Variants in CBFA2T2 observed in about 807,000 individuals in gnomAD.
The protein encoded by CBFA2T2 is protein CBFA2T2.
Under a neutral mutation model 62.2 loss-of-function variants are expected in CBFA2T2, and 11 were observed. The ratio of observed to expected loss-of-function variants is 0.18; its 90% CI spans 0.11 to 0.29. The LOEUF (loss-of-function observed/expected upper bound fraction) is 0.29. CBFA2T2 is among the 10% of genes least tolerant of loss of function. The pLI is 1.00. For synonymous variants in CBFA2T2, 295 were observed against 287.5 expected, an observed-to-expected ratio of 1.03 and a Z score of -0.27; for missense variants, 592 against 774.1, an observed-to-expected ratio of 0.76 and a Z score of 2.79.
At chr20:33,538,537 A>T (rs897678711) in intron 1 of CBFA2T2, among the ~76,000 whole-genome samples, 16 of 151,944 alleles carry the variant, frequency 1.1e-4, no homozygotes, top group African/African-American at 3.9e-4. Flanking sequence ...AGGCCTGGCT[A>T]ATTGTATTTT....
chr20:33,629,825 G>C lies in CBFA2T2; in HGVS notation c.1139G>C (p.Arg380Pro). ...DREELNYWKRRYNENTELRKT... is the reference protein window; with the variant it reads ...DREELNYWKRPYNENTELRKT... ...GAAGAACTCAACTACTGGAAAAGAC[G>C]GTACAATGAAAACACAGAGCTGAGG... Residue 380 changes from arginine (R) to proline (P), a missense_variant, in exon 8 of 11, where the codon CGG becomes CCG. Arg to Pro is a moderately radical substitution (Grantham distance 103, BLOSUM62 -2). Around this residue, in one of 3 missense-constraint regions of CBFA2T2, gnomAD observed 449 missense variants for 551.2 expected, o/e 0.81. Coordinates refer to ENST00000342704, the MANE Select transcript of CBFA2T2 (RefSeq NM_001032999.3). 6.2e-7 allele frequency: 1 copy of C among 1,613,956 alleles called. No individual in the cohort carries two copies. The highest frequency in any genetic ancestry group is 8.5e-7 in the Non-Finnish European group (1 of 1,179,918).
At chr20:33,588,124 A>G (rs113439148) in intron 1 of CBFA2T2, among the ~76,000 whole-genome samples, 1 of 152,192 alleles carries the variant, frequency 6.6e-6, no homozygotes, top group African/African-American at 2.4e-5. Context: ...TATTTAACAT[A>G]TACACCTCCA....
intron 1 of CBFA2T2, among the ~76,000 whole-genome samples, chr20:33,582,239 T>C (rs1475114923): frequency 6.6e-6 from 1 of 152,008 alleles, no homozygotes; most frequent in Non-Finnish European, 1.5e-5. Flanking sequence ...ACGCCTGTAA[T>C]CTCAGCACTT....
chr20:33,517,456 T>G (rs1422985988), intron 1 of CBFA2T2, among the ~76,000 whole-genome samples: 1 of 149,474 alleles, frequency 6.7e-6, no homozygotes, highest in East Asian at 1.9e-4. Context: ...TTTGGTGTTT[T>G]TTTTTTTTTT....
intron 1 of CBFA2T2, among the ~76,000 whole-genome samples, chr20:33,501,498 G>C (rs2011278645): frequency 6.6e-6 from 1 of 152,072 alleles, no homozygotes; most frequent in Non-Finnish European, 1.5e-5. Context: ...AGAATGGTGA[G>C]GGAGAAGTGC....
At position 33,619,580 on chromosome 20, in the gene CBFA2T2, C is replaced by A; in HGVS notation, c.484C>A (p.Arg162Ser). 1 of 1,607,338 alleles carries A rather than the reference C, an allele frequency of 6.2e-7. No homozygotes were observed. The highest frequency in any genetic ancestry group is 1.7e-5 in the Admixed American group (1 of 59,072). Reference protein sequence around the residue: ...KLQEATNFPLRPFVIPFLKAN... With the variant: ...KLQEATNFPLSPFVIPFLKAN... ...CCAAGAAGCCACAAACTTTCCCCTT[C>A]GTCCTTTTGTGATTCCATTTCTCAA... The change falls in exon 4 of 11, where the codon CGT becomes AGT. Residue 162 changes from arginine to serine, a missense_variant. Physicochemically the swap from Arg to Ser is moderately radical, Grantham distance 110. Coordinates refer to ENST00000342704, the MANE Select transcript of CBFA2T2 (RefSeq NM_001032999.3).
intron 1 of CBFA2T2, among the ~76,000 whole-genome samples, chr20:33,602,598 C>T (rs1041330451): frequency 6.6e-6 from 1 of 151,884 alleles, no homozygotes; most frequent in African/African-American, 2.4e-5. Flanking sequence ...GTTCCAAGAC[C>T]TCCGGTGGAT....
At chr20:33,631,015 G>A (rs779496731) in intron 8 of CBFA2T2, among the ~76,000 whole-genome samples, 2 of 152,106 alleles carry the variant, frequency 1.3e-5, no homozygotes, top group South Asian at 2.1e-4. Flanking sequence ...GATTCCTTTC[G>A]TAAAAACTCG....
At chr20:33,588,700 A>T (rs564456040) in intron 1 of CBFA2T2, among the ~76,000 whole-genome samples, 1 of 152,276 alleles carries the variant, frequency 6.6e-6, no homozygotes, top group African/African-American at 2.4e-5. Context: ...TAATCCCAGC[A>T]CTTTGGGAAG....
chr20:33,533,664 C>CT (rs898544462), intron 1 of CBFA2T2, among the ~76,000 whole-genome samples: 16 of 151,558 alleles, frequency 1.1e-4, no homozygotes, highest in Admixed American at 2.6e-4. Flanking sequence ...TTTGTCTTTT[C>CT]TTTTTTAAAA....
In CBFA2T2 at chr20:33,536,302, A is replaced by C. The variant is rs1262611708; in HGVS notation, c.34+46001A>C. Among the ~76,000 whole-genome samples the C allele has an allele frequency of 4.1e-5, 5 of 120,546 alleles. No individual in the cohort carries two copies. In the East Asian group the frequency reaches 7.3e-4, roughly 18 times the overall value. The allele number at this position is 120,546 out of a possible 152,430, so 79.1% of individuals were successfully genotyped here. ...GGGCGGCTGGCCGGGCGGGGGGCTG[A>C]CCCCCCCCACCTCCCTCCCAGACGG... On this transcript the variant is annotated intron_variant, in intron 1 of 10. Transcript: ENST00000342704.
intron 1 of CBFA2T2, chr20:33,562,323 CAG>C (rs2013114644): frequency 1.0e-6 from 1 of 960,418 alleles, no homozygotes; most frequent in Non-Finnish European, 1.2e-6. Context: ...GCCCTGGTAA[CAG>C]GGAGGGTTGG....
At chr20:33,554,600 C>CT (rs752877501) in intron 1 of CBFA2T2, among the ~76,000 whole-genome samples, 1,549 of 56,338 alleles carry the variant, frequency 0.027, 46 homozygotes, top group Admixed American at 0.068. Flanking sequence ...TTTTTCTTTT[C>CT]TTTTTTTTTT....
At chr20:33,630,083 C>T (rs535038290) in intron 8 of CBFA2T2, among the ~76,000 whole-genome samples, 169 bp downstream of exon 8, 1 of 152,148 alleles carries the variant, frequency 6.6e-6, no homozygotes, top group Admixed American at 6.5e-5. Context: ...TATGAAGCCC[C>T]TGGCATGTTT....
At chr20:33,638,095 C>T (rs7351275) in intron 9 of CBFA2T2, among the ~76,000 whole-genome samples, 1 of 150,062 alleles carries the variant, frequency 6.7e-6, no homozygotes, top group African/African-American at 2.5e-5. Flanking sequence ...CTGCCTTAGC[C>T]TTCCAAGTAC....
intron 1 of CBFA2T2, among the ~76,000 whole-genome samples, chr20:33,560,776 G>C (rs886104561): frequency 6.6e-6 from 1 of 152,128 alleles, no homozygotes; most frequent in East Asian, 1.9e-4. Flanking sequence ...CTTTCATGCC[G>C]AATCTGTATT....
chr20:33,526,324 G>C lies in CBFA2T2; in HGVS notation c.34+36023G>C, dbSNP rs192531409. 1.1e-4 allele frequency among the ~76,000 whole-genome samples: 17 copies of C among 152,242 alleles called. No individual in the cohort carries two copies. The East Asian group carries it at 3.3e-3, about 29-fold the overall frequency. ...TTCATCAGAAACACATAAAAAAGAAGGTGTGTACTGATGATCTACTGACAA... is the reference window on the plus strand; with the variant it reads ...TTCATCAGAAACACATAAAAAAGAACGTGTGTACTGATGATCTACTGACAA... On this transcript the variant is annotated intron_variant, in intron 1 of 10. Transcript: ENST00000342704.
chr20:33,511,983 G>A (rs2011518801), intron 1 of CBFA2T2, among the ~76,000 whole-genome samples: 1 of 152,198 alleles, frequency 6.6e-6, no homozygotes, highest in African/African-American at 2.4e-5. Flanking sequence ...TTTGAGACCA[G>A]CCAGGCCAAC....
At chr20:33,568,735 A>G (rs551606528) in intron 1 of CBFA2T2, among the ~76,000 whole-genome samples, 6 of 152,264 alleles carry the variant, frequency 3.9e-5, no homozygotes, top group Admixed American at 3.3e-4. Context: ...GGTGACTGTT[A>G]TTGGCCCCAG....
Sources: gnomAD v4.1 joint callset for allele counts (sites outside exome capture counted in the v4.1 genomes callset) on GRCh38, gnomAD v4.1.1 for gene constraint, gnomAD v4.1.1 regional missense constraint, MANE v1.5 for transcripts, NCBI Gene and HGNC (gene_info 2026-07-23, HGNC 2026-07-21) for gene names.